The following KIF9 variants were observed in gnomAD, a reference collection of about 807,000 sequenced individuals.
KIF9 encodes kinesin family member 9, also known as kinesin-like protein KIF9.
A neutral mutation model predicts 94.8 loss-of-function variants in KIF9; 68 were observed. The ratio of observed to expected loss-of-function variants is 0.72; its 90% confidence interval spans 0.59 to 0.88. The LOEUF (loss-of-function observed/expected upper bound fraction) is 0.88. KIF9 is among the 40% of genes least tolerant of loss of function. The pLI, the probability that KIF9 is intolerant of heterozygous loss-of-function variation, is 0.00. For synonymous variants in KIF9, 343 were observed against 362.1 expected, an observed-to-expected ratio of 0.95 and a Z score of 0.60; for missense variants, 882 against 982.5, an observed-to-expected ratio of 0.90 and a Z score of 1.37.
intron 14 of KIF9, 142 bp from the exon 15 acceptor site, chr3:47,245,066 C>G: frequency 8.7e-7 from 1 of 1,144,168 alleles, no homozygotes; most frequent in Non-Finnish European, 1.2e-6. Context: ...ATGCCAGCCT[C>G]AGGCTGTCCC....
At chr3:47,280,815 C>A (rs1702283699) in intron 1 of KIF9, 1 of 670,308 alleles carries the variant, frequency 1.5e-6, no homozygotes. Flanking sequence ...CCCATGCTGA[C>A]ACCATGGCTC....
chr3:47,259,229 C>T (rs1233379094), intron 9 of KIF9, among the ~76,000 whole-genome samples: 1 of 152,166 alleles, frequency 6.6e-6, no homozygotes, highest in Non-Finnish European at 1.5e-5. Context: ...AGTCAAGTGT[C>T]CTCCCCACCA....
intron 20 of KIF9, among the ~76,000 whole-genome samples, chr3:47,234,811 C>A (rs922788371): frequency 6.6e-6 from 1 of 150,802 alleles, no homozygotes; most frequent in African/African-American, 2.5e-5. Context: ...CCACCTCAGC[C>A]GCCCAAAGTG....
chr3:47,235,432 T>C, intron 20 of KIF9, 81 bp downstream of exon 20: 1 of 974,408 alleles, frequency 1.0e-6, no homozygotes, highest in Non-Finnish European at 1.6e-6. Context: ...CTCCCCTACC[T>C]CTCTAAAGTA....
At chr3:47,245,794 T>C (rs549957669) in intron 13 of KIF9, 8 of 509,868 alleles carry the variant, frequency 1.6e-5, no homozygotes, top group South Asian at 9.8e-5. Context: ...CTTGGGACCA[T>C]GTGGGGTTCT....
rs1394372883 is a variant in KIF9, at chr3:47,228,681, T to A, written c.2344A>T (p.Met782Leu). The A allele has an allele frequency of 1.2e-6, 2 of 1,613,930 alleles. No individual in the cohort carries two copies. The highest frequency in any genetic ancestry group is 2.2e-5 in the South Asian group (2 of 91,072). The stretch of plus-strand genomic sequence containing the variant: ...TTTCTATGTGCCTGCTGGAGGCCCA[T>A]CATGGTTTTCAAGTAATTATGCTGG... ...EQKHNYLKTM[M>L]GLQQAHRK Residue 782 changes from methionine (M) to leucine (L), a missense_variant, in exon 21 of 21, where the codon ATG becomes TTG. Transcript: ENST00000684063.
At position 47,277,340 on chromosome 3, in the gene KIF9, C is replaced by A. The variant is rs76198671; in HGVS notation, c.35G>T (p.Arg12Leu). 5.3e-4 allele frequency: 859 copies of A among 1,613,720 alleles called. 15 individuals carry two copies. In the East Asian group the frequency reaches 0.017, roughly 32 times the overall value. Residue 12 changes from arginine (R) to leucine (L), a missense_variant, in exon 2 of 21, where the codon CGT (arginine) becomes CTT (leucine). Arg to Leu is a moderately radical substitution (Grantham distance 102). Coordinates refer to ENST00000684063, the MANE Select transcript of KIF9 (RefSeq NM_182902.4). ...GTRKKVHAFV[R>L]VKPTDDFAHE... ...AGCAAAGTCATCGGTGGGTTTGACA[C>A]GGACAAATGCATGAACTTTTTTCCT... is the stretch of plus-strand genomic sequence containing the variant.
intron 9 of KIF9, chr3:47,264,041 C>A (rs995191202): frequency 2.5e-5 from 14 of 563,586 alleles, no homozygotes; most frequent in South Asian, 6.5e-5. Context: ...CCTCCCTCCT[C>A]ACACAGTCTC....
intron 10 of KIF9, among the ~76,000 whole-genome samples, chr3:47,249,858 G>T (rs1330209807): frequency 2.0e-5 from 3 of 152,178 alleles, no homozygotes; most frequent in Non-Finnish European, 4.4e-5. Context: ...AGGAGTTCGA[G>T]ACCACCCTTG....
At chr3:47,282,195 T>A in intron 1 of KIF9, 1 of 985,404 alleles carries the variant, frequency 1.0e-6, no homozygotes, top group Non-Finnish European at 1.2e-6. Context: ...GTTCGAAAAC[T>A]GACTAGTACG....
chr3:47,264,286 C>T lies in KIF9; in HGVS notation c.981G>A (p.Thr327=), dbSNP rs1701158517. 26 of 1,611,196 alleles carry T rather than the reference C, an allele frequency of 1.6e-5. No homozygotes were observed. The highest frequency in any genetic ancestry group is 8.8e-5 in the South Asian group (8 of 91,008). ...GGTTTCACTGACTGTCTTTACATAC[C>T]GTTTCTTCTAACTGGGCAGCTTCTC... ...IYGEAAQLEE[T]LSSLRFASRM... Residue 327 remains threonine, a splice_region_variant and synonymous_variant, in exon 9 of 21, where the codon ACG becomes ACA. Transcript: ENST00000684063.
intron 20 of KIF9, among the ~76,000 whole-genome samples, chr3:47,232,775 G>A (rs1212638794): frequency 1.3e-5 from 2 of 151,408 alleles, no homozygotes; most frequent in East Asian, 4.0e-4. Flanking sequence ...GAGGTCAGGA[G>A]ATCGAGACCA....
chr3:47,241,865 C>T (rs9867461), intron 16 of KIF9, among the ~76,000 whole-genome samples: 23 of 109,386 alleles, frequency 2.1e-4, no homozygotes, highest in African/African-American at 9.3e-4. Flanking sequence ...TATATATACA[C>T]ATATATATAT....
chr3:47,271,938 G>A (rs533233243), intron 4 of KIF9, among the ~76,000 whole-genome samples: 32 of 152,182 alleles, frequency 2.1e-4, no homozygotes, highest in African/African-American at 7.7e-4. Flanking sequence ...TGGCCAACAT[G>A]GTGAAACCCT....
At chr3:47,259,769 T>G (rs1335681512) in intron 9 of KIF9, among the ~76,000 whole-genome samples, 1 of 143,046 alleles carries the variant, frequency 7.0e-6, no homozygotes, top group African/African-American at 2.6e-5. Flanking sequence ...GAAGGCAGCA[T>G]GCTCCTTAAG....
At chr3:47,271,197 G>T in intron 5 of KIF9, 40 bp downstream of exon 5, 1 of 1,373,600 alleles carries the variant, frequency 7.3e-7, no homozygotes, top group Non-Finnish European at 1.0e-6. Flanking sequence ...GTGGCAGGGA[G>T]GGAGAGAAGG....
rs1323153172 is a variant in KIF9, at chr3:47,271,917, C to T, written c.367-456G>A. 2.8e-4 allele frequency among the ~76,000 whole-genome samples: 43 copies of T among 152,138 alleles called. 1 individual carries two copies. The highest frequency in any genetic ancestry group is 2.3e-3 in the Admixed American group (35 of 15,286). On this transcript the variant is annotated intron_variant, in intron 4 of 20. Coordinates refer to ENST00000684063, the MANE Select transcript of KIF9 (RefSeq NM_182902.4). Reference sequence around the variant, plus strand: ...TGGGCAGATCATGAGGTCAGGAGATCGAGACCATCCTGGCCAACATGGTGA... The same window carrying T: ...TGGGCAGATCATGAGGTCAGGAGATTGAGACCATCCTGGCCAACATGGTGA...
At chr3:47,259,134 G>A (rs1553620732) in intron 9 of KIF9, among the ~76,000 whole-genome samples, 1 of 152,174 alleles carries the variant, frequency 6.6e-6, no homozygotes, top group Non-Finnish European at 1.5e-5. Context: ...TTGGAGGCAG[G>A]GGCCTCTAGC....
intron 20 of KIF9, among the ~76,000 whole-genome samples, chr3:47,234,166 C>T (rs1233930904): frequency 6.6e-6 from 1 of 151,486 alleles, no homozygotes; most frequent in Non-Finnish European, 1.5e-5. Flanking sequence ...AAGGGGTTTC[C>T]AGGATCTGAA....
Sources: gnomAD v4.1 joint callset for allele counts (sites outside exome capture counted in the v4.1 genomes callset) on GRCh38, gnomAD v4.1.1 for gene constraint, MANE v1.5 for transcripts, NCBI Gene and HGNC (gene_info 2026-07-23, HGNC 2026-07-21) for gene names.